The following KASH5 variants were observed in gnomAD, a reference collection of about 807,000 sequenced individuals.
KASH5 encodes protein KASH5.
Under a neutral mutation model 84.2 loss-of-function variants are expected in KASH5, and 72 were observed. The ratio of observed to expected loss-of-function variants is 0.85; its 90% confidence interval spans 0.71 to 1.04. The LOEUF (loss-of-function observed/expected upper bound fraction) is 1.04, where lower values mean the gene tolerates loss of function less well. Among genes scored for constraint, KASH5 ranks in the 50% least tolerant of loss-of-function variants. KASH5 has a pLI of 0.00. For synonymous variants in KASH5, 260 were observed against 279.1 expected (o/e 0.93, Z 0.68); for missense variants, 650 against 701.0 (o/e 0.93, Z 0.82).
chr19:49,389,276 T>C (rs7249380), intron 1 of KASH5, among the ~76,000 whole-genome samples: 1,407 of 122,516 alleles, frequency 0.011, 13 homozygotes, highest in Admixed American at 0.021. Flanking sequence ...TGAAATCCAG[T>C]CAGAGACCCC....
Position 49,395,756 on chromosome 19 carries a change from C to T in KASH5, c.336-13C>T, listed in dbSNP as rs895583738. On this transcript the variant is annotated splice_polypyrimidine_tract_variant and intron_variant, in intron 4 of 19. Coordinates refer to ENST00000447857, the MANE Select transcript of KASH5 (RefSeq NM_144688.5). This position sits in a 1 kb window ranked among gnomAD's most constrained non-coding sequence, Gnocchi z 4.4. ...GCTACAGTGGGGCGCTAAGCCTCAT[C>T]CCTTTGATACAGGGGATTAGAGCTG... The T allele has an allele frequency of 8.4e-6, 13 of 1,554,190 alleles. No homozygotes were observed. Among genetic ancestry groups the T allele is most frequent in the Non-Finnish European group, 1.1e-5 (13 of 1,149,212 alleles).
chr19:49,388,884 C>T (rs1973900445), intron 1 of KASH5, among the ~76,000 whole-genome samples: 1 of 152,014 alleles, frequency 6.6e-6, no homozygotes, highest in Non-Finnish European at 1.5e-5. Flanking sequence ...CACCTAGACT[C>T]GTGTCAGAGA....
intron 5 of KASH5, 23 bp from the exon 6 acceptor site, chr19:49,397,628 T>A: frequency 1.2e-6 from 2 of 1,611,786 alleles, no homozygotes; most frequent in Non-Finnish European, 1.7e-6. Flanking sequence ...GAAGCCAACA[T>A]TCTCTTGGCT....
intron 9 of KASH5, among the ~76,000 whole-genome samples, chr19:49,404,373 G>A (rs909968887): frequency 6.6e-6 from 1 of 152,206 alleles, no homozygotes; most frequent in African/African-American, 2.4e-5. Flanking sequence ...ACTTTAGACT[G>A]GAATCTGGGC....
In KASH5 at chr19:49,407,304, G is replaced by A. The variant is rs1221521833; in HGVS notation, c.933+8G>A. On this transcript the variant is annotated splice_region_variant and intron_variant, in intron 11 of 19. Coordinates refer to ENST00000447857, the MANE Select transcript of KASH5 (RefSeq NM_144688.5). ...GACACCATCCTCTCTGAGGTAAGGG[G>A]CCCCGGGAGGGAAAGAGATTCGCTT... 1 of 1,613,642 alleles carries A rather than the reference G, an allele frequency of 6.2e-7. No homozygotes were observed. Among genetic ancestry groups the A allele is most frequent in the East Asian group, 2.2e-5 (1 of 44,886 alleles).
intron 2 of KASH5, among the ~76,000 whole-genome samples, chr19:49,392,974 A>G (rs2146843897): frequency 6.6e-6 from 1 of 151,568 alleles, no homozygotes; most frequent in South Asian, 2.1e-4. Flanking sequence ...GTCTCCCCCT[A>G]ACTGTGAGTC....
At position 49,407,284 on chromosome 19, in the gene KASH5, C is replaced by T; in HGVS notation, c.921C>T (p.Thr307=). The T allele has an allele frequency of 6.2e-7, 1 of 1,613,902 alleles. No homozygotes were observed. The highest frequency in any genetic ancestry group is 8.5e-7 in the Non-Finnish European group (1 of 1,179,826). The change falls in exon 11 of 20, where the codon ACC becomes ACT. Residue 307 remains threonine, a synonymous_variant. Transcript: ENST00000447857. The part of the protein sequence containing the change: ...ECEHLICQRD[T]ILSERTRDVE... ...AACACCTCATTTGCCAAAGAGACACCATCCTCTCTGAGGTAAGGGGCCCCG... is the reference window on the plus strand; with the variant it reads ...AACACCTCATTTGCCAAAGAGACACTATCCTCTCTGAGGTAAGGGGCCCCG...
intron 6 of KASH5, 97 bp from the exon 7 acceptor site, chr19:49,397,884 CA>C (rs1342062274): frequency 4.7e-6 from 7 of 1,481,958 alleles, no homozygotes; most frequent in Non-Finnish European, 9.2e-7. Flanking sequence ...TATCTTTCCC[CA>C]AAAGAGCCAC....
At chr19:49,396,248 T>TTGG (rs1287168547) in intron 5 of KASH5, among the ~76,000 whole-genome samples, 1 of 81,076 alleles carries the variant, frequency 1.2e-5, no homozygotes, top group African/African-American at 5.1e-5. Context: ...CTGGACTTTT[T>TTGG]TTTTTTTTTT....
chr19:49,407,514 C>T, intron 11 of KASH5, 98 bp from the exon 12 acceptor site: 2 of 1,344,498 alleles, frequency 1.5e-6, no homozygotes, highest in South Asian at 1.3e-5. Flanking sequence ...CTCAAGCTCA[C>T]CCTGTCCCTT....
Position 49,399,499 on chromosome 19 carries a change from C to T in KASH5, c.790C>T (p.Gln264Ter), listed in dbSNP as rs779024223. The change falls in exon 9 of 20, where the codon CAG (glutamine) becomes TAG (stop). Residue 264 changes from glutamine to a stop codon, truncating the protein, a stop_gained. Coordinates refer to ENST00000447857, the MANE Select transcript of KASH5 (RefSeq NM_144688.5). LOFTEE classifies it high-confidence loss of function. The surrounding 1 kb of genome is among the most constrained non-coding windows in gnomAD (Gnocchi z 4.4). ...QHLVAEMETL[Q>*]EENGKLLAER... ...TCTGGTGGCTGAGATGGAGACTCTG[C>T]AGGAGGAGGTGAGCGGAGGCCCAGC... 2 of 1,609,772 alleles carry T rather than the reference C, an allele frequency of 1.2e-6. No individual in the cohort carries two copies. The highest frequency in any genetic ancestry group is 1.7e-6 in the Non-Finnish European group (2 of 1,178,204).
At chr19:49,398,372 C>CTTT (rs764459352) in intron 7 of KASH5, among the ~76,000 whole-genome samples, 4,333 of 143,012 alleles carry the variant, frequency 0.03, 222 homozygotes, top group African/African-American at 0.11. Flanking sequence ...CTCTCTCTCT[C>CTTT]TTTTTTTTTT....
At position 49,417,537 on chromosome 19, in the gene KASH5, T is replaced by C; in HGVS notation, c.*27T>C. The C allele has an allele frequency of 6.7e-7, 1 of 1,493,260 alleles. No homozygotes were observed. The highest frequency in any genetic ancestry group is 9.0e-7 in the Non-Finnish European group (1 of 1,116,402). 92.5% of individuals were successfully genotyped at this position (1,493,260 alleles called of 1,614,324 possible). On this transcript the variant is annotated 3_prime_UTR_variant, in exon 20 of 20. Transcript: ENST00000447857. The surrounding 1 kb of genome is among the most constrained non-coding windows in gnomAD (Gnocchi z 5.2). ...AGGCTCTACTTGCCCCTCAGAGCAG[T>C]GTCTAGCTCAATAAATCCCCTGGCC... is the stretch of plus-strand genomic sequence containing the variant.
At chr19:49,413,160 A>C (rs2122224655) in intron 16 of KASH5, 134 bp downstream of exon 16, 3 of 881,322 alleles carry the variant, frequency 3.4e-6, no homozygotes, top group Non-Finnish European at 3.5e-6. Flanking sequence ...CGGGAGCAGA[A>C]CCTGGGCCTG....
intron 9 of KASH5, among the ~76,000 whole-genome samples, chr19:49,405,271 G>A (rs1974485922): frequency 6.6e-6 from 1 of 151,638 alleles, no homozygotes; most frequent in Non-Finnish European, 1.5e-5. Flanking sequence ...ACCCTGGCCA[G>A]CGTGGTGAAA....
rs950720932 is a variant in KASH5, at chr19:49,395,383, A to C, written c.335+91A>C. ...ACTGGAGCCAGCATCCTTTAGGCCC[A>C]AGGACCTACTGTGTTTGGAATGAGG... On this transcript the variant is annotated intron_variant, in intron 4 of 19. Transcript: ENST00000447857. The surrounding 1 kb of genome is among the most constrained non-coding windows in gnomAD (Gnocchi z 4.4). 1 of 1,357,794 alleles carries C rather than the reference A, an allele frequency of 7.4e-7. No individual in the cohort carries two copies. The highest frequency in any genetic ancestry group is 1.5e-5 in the African/African-American group (1 of 68,428). The allele number at this position is 1,357,794 out of a possible 1,614,324, so 84.1% of individuals were successfully genotyped here.
At position 49,395,403 on chromosome 19, in the gene KASH5, A is replaced by G. The variant is rs1974142663; in HGVS notation, c.335+111A>G. The G allele has an allele frequency of 1.7e-6, 2 of 1,186,310 alleles. No individual in the cohort carries two copies. The highest frequency in any genetic ancestry group is 4.5e-5 in the Admixed American group (2 of 43,990). The allele number at this position is 1,186,310 out of a possible 1,614,324, so 73.5% of individuals were successfully genotyped here. A position where few individuals can be genotyped will look rare whatever the true frequency, so the allele number is the denominator to read the frequency against. ...GGCCCAAGGACCTACTGTGTTTGGA[A>G]TGAGGCTGTGGAGAGAAAAATGAAG... On this transcript the variant is annotated intron_variant, in intron 4 of 19. Coordinates refer to ENST00000447857, the MANE Select transcript of KASH5 (RefSeq NM_144688.5). This position sits in a 1 kb window ranked among gnomAD's most constrained non-coding sequence, Gnocchi z 4.4.
Position 49,399,686 on chromosome 19 carries a change from G to A in KASH5, c.798+179G>A. On this transcript the variant is annotated intron_variant, in intron 9 of 19. Transcript: ENST00000447857. The surrounding 1 kb of genome is among the most constrained non-coding windows in gnomAD (Gnocchi z 4.4). ...GTGAGAACAGCCGTGGTTTACAAGAGTGTGAGGCATGGGGTCAGCCTACAT... is the reference window on the plus strand; with the variant it reads ...GTGAGAACAGCCGTGGTTTACAAGAATGTGAGGCATGGGGTCAGCCTACAT... 3.4e-6 allele frequency: 5 copies of A among 1,468,284 alleles called. No homozygotes were observed. Among genetic ancestry groups the A allele is most frequent in the Non-Finnish European group, 4.5e-6 (5 of 1,106,864 alleles). The allele number at this position is 1,468,284 out of a possible 1,614,324, so 91.0% of individuals were successfully genotyped here. A position where few individuals can be genotyped will look rare whatever the true frequency, so the allele number is the denominator to read the frequency against.
At chr19:49,407,708 G>C in intron 12 of KASH5, 37 bp downstream of exon 12, 2 of 1,570,312 alleles carry the variant, frequency 1.3e-6, no homozygotes, top group Non-Finnish European at 1.7e-6. Context: ...CGCGGCCCTC[G>C]CCACTTCTCT....
Sources: gnomAD v4.1 joint callset for allele counts (sites outside exome capture counted in the v4.1 genomes callset) on GRCh38, gnomAD v4.1.1 for gene constraint, Gnocchi (gnomAD v3.1) non-coding constraint, MANE v1.5 for transcripts, NCBI Gene and HGNC (gene_info 2026-07-23, HGNC 2026-07-21) for gene names.